The following APBA2 variants were observed in gnomAD, a reference collection of about 807,000 sequenced individuals.
APBA2 encodes amyloid beta precursor protein binding family A member 2.
APBA2 carries 30 observed loss-of-function variants against 75.0 expected under a neutral mutation model. The observed-to-expected ratio is 0.40, with a 90% confidence interval of 0.30 to 0.54. The LOEUF (loss-of-function observed/expected upper bound fraction) is 0.54. Among genes scored for constraint, APBA2 ranks in the 20% least tolerant of loss-of-function variants. The probability of loss-of-function intolerance (pLI) is 0.49; values close to 1 mark genes in which losing one functional copy is unlikely to be tolerated. For missense variants in APBA2, 801 were observed against 1,016.1 expected (o/e 0.79, Z 2.88); for synonymous variants, 444 against 409.6 (o/e 1.08, Z -1.01).
At chr15:29,047,926 AAACTT>A (rs2041416806) in intron 3 of APBA2, among the ~76,000 whole-genome samples, 1 of 152,232 alleles carries the variant, frequency 6.6e-6, no homozygotes, top group African/African-American at 2.4e-5. Flanking sequence ...ATTTAAGAAA[AAACTT>A]AATATGAGAT....
intron 4 of APBA2, among the ~76,000 whole-genome samples, chr15:29,070,294 T>C (rs980862252): frequency 6.6e-6 from 1 of 152,238 alleles, no homozygotes; most frequent in African/African-American, 2.4e-5. Context: ...TTCAGGTAGA[T>C]AGCGAATAAT....
chr15:29,093,920 A>G (rs2043713325), intron 7 of APBA2, among the ~76,000 whole-genome samples: 1 of 152,248 alleles, frequency 6.6e-6, no homozygotes, highest in African/African-American at 2.4e-5. Context: ...AACCCAGGGC[A>G]GTGCTGAGCC....
At chr15:29,013,916 C>T (rs1182184074) in intron 3 of APBA2, among the ~76,000 whole-genome samples, 1 of 152,204 alleles carries the variant, frequency 6.6e-6, no homozygotes, top group Non-Finnish European at 1.5e-5. Context: ...GCAGTGAAAG[C>T]GTTACCTTTC....
At chr15:28,961,059 G>A (rs925895759) in intron 2 of APBA2, among the ~76,000 whole-genome samples, 24 of 152,072 alleles carry the variant, frequency 1.6e-4, no homozygotes, top group African/African-American at 5.8e-4. Context: ...GCACCTAGCC[G>A]ACACCCATCA....
At chr15:29,001,186 C>T (rs1300287273) in intron 3 of APBA2, among the ~76,000 whole-genome samples, 5 of 151,992 alleles carry the variant, frequency 3.3e-5, no homozygotes, top group African/African-American at 4.8e-5. Context: ...GTAGTCATCA[C>T]ATAGCTCTAG....
rs1055470287 is a variant in APBA2, at chr15:29,117,248, G to A, written c.*115G>A. The A allele has an allele frequency of 1.0e-6, 1 of 992,090 alleles. No homozygotes were observed. The highest frequency in any genetic ancestry group is 1.6e-5 in the African/African-American group (1 of 62,344). The allele number at this position is 992,090 out of a possible 1,614,324, so 61.5% of individuals were successfully genotyped here. A position where few individuals can be genotyped will look rare whatever the true frequency, so the allele number is the denominator to read the frequency against. ...ACGCCACAGCCCAGCCACGGACGCT[G>A]GCTCCCCAAAGGGTGTGCCCTCACC... On this transcript the variant is annotated 3_prime_UTR_variant, in exon 15 of 15. Transcript: ENST00000683413.
chr15:29,093,315 C>T (rs780979720), intron 7 of APBA2, 95 bp downstream of exon 7: 52 of 1,519,034 alleles, frequency 3.4e-5, no homozygotes, highest in African/African-American at 1.1e-4. Flanking sequence ...TCTTCCAGCT[C>T]GGACTGCACA....
At chr15:29,053,614 C>T (rs1042947486) in intron 3 of APBA2, among the ~76,000 whole-genome samples, 1 of 152,182 alleles carries the variant, frequency 6.6e-6, no homozygotes, top group African/African-American at 2.4e-5. Flanking sequence ...GTTGCCGGTG[C>T]CTCCCTTGAC....
intron 1 of APBA2, among the ~76,000 whole-genome samples, chr15:28,902,351 G>A (rs886680095): frequency 6.6e-5 from 10 of 152,204 alleles, no homozygotes; most frequent in Non-Finnish European, 7.4e-5. Context: ...CCAGTTGAGG[G>A]GCATTCTACA....
At chr15:29,009,492 A>G (rs2039292714) in intron 3 of APBA2, among the ~76,000 whole-genome samples, 2 of 152,300 alleles carry the variant, frequency 1.3e-5, no homozygotes, top group South Asian at 2.1e-4. Flanking sequence ...GAACACATCC[A>G]TGAAACTACC....
chr15:29,045,073 C>CTCTCTCTCTCTCTT (rs2041242051), intron 3 of APBA2, among the ~76,000 whole-genome samples: 1 of 108,006 alleles, frequency 9.3e-6, no homozygotes, highest in Admixed American at 8.3e-5. Flanking sequence ...CCCTCCTTCT[C>CTCTCTCTCTCTCTT]TCTCTCTCTC....
At chr15:29,075,079 C>A in intron 5 of APBA2, 78 bp downstream of exon 5, 1 of 1,073,180 alleles carries the variant, frequency 9.3e-7, no homozygotes, top group Non-Finnish European at 1.4e-6. Flanking sequence ...TTGTGGTCTG[C>A]TCACTTTGTC....
At chr15:29,116,888 C>G (rs996549496) in intron 14 of APBA2, among the ~76,000 whole-genome samples, 174 bp from the exon 15 acceptor site, 3 of 152,234 alleles carry the variant, frequency 2.0e-5, no homozygotes, top group African/African-American at 7.2e-5. Flanking sequence ...TCTGCTGCAT[C>G]TGGAAGGCAT....
intron 2 of APBA2, among the ~76,000 whole-genome samples, chr15:28,936,567 G>A (rs954817779): frequency 2.0e-5 from 3 of 152,236 alleles, no homozygotes; most frequent in Non-Finnish European, 2.9e-5. Context: ...TAGTGCCTGC[G>A]CGTTAGGCAC....
rs960495582 is a variant in APBA2 at position 28,930,403 on chromosome 15, A to G, written c.-95+8654A>G. The stretch of plus-strand genomic sequence containing the variant: ...TTCTGCTCAAATGAACATTCCAGGC[A>G]GGCCCTGGAGCTTTCTGTCGTTCTA... On this transcript the variant is annotated intron_variant, in intron 2 of 14. Coordinates refer to ENST00000683413, the MANE Select transcript of APBA2 (RefSeq NM_001353788.2). Among the ~76,000 whole-genome samples, 3 of 152,092 alleles carry G rather than the reference A, an allele frequency of 2.0e-5. No homozygotes were observed. The East Asian group carries it at 5.8e-4, about 29-fold the overall frequency.
At position 29,018,209 on chromosome 15, in the gene APBA2, A is replaced by AT. The variant is rs1409162304; in HGVS notation, c.-41+22407dup. Among the ~76,000 whole-genome samples the AT allele has an allele frequency of 3.9e-5, 6 of 152,160 alleles. No homozygotes were observed. In the East Asian group the frequency reaches 7.8e-4, roughly 20 times the overall value. On this transcript the variant is annotated intron_variant, in intron 3 of 14. Transcript: ENST00000683413. Reference sequence around the variant, plus strand: ...TAGAGATCGGTAGGTAGAAATACAGATTTTCCCTCCTCAGCAATTCTAATG... The same window carrying AT: ...TAGAGATCGGTAGGTAGAAATACAGATTTTTCCCTCCTCAGCAATTCTAATG...
At chr15:28,952,375 T>TA (rs931963484) in intron 2 of APBA2, among the ~76,000 whole-genome samples, 61 of 147,290 alleles carry the variant, frequency 4.1e-4, no homozygotes, top group Admixed American at 2.0e-3. Context: ...ACAAAAAAAT[T>TA]AAAAAAAAAA....
At chr15:29,047,712 C>T (rs193294181) in intron 3 of APBA2, among the ~76,000 whole-genome samples, 20 of 152,098 alleles carry the variant, frequency 1.3e-4, no homozygotes, top group Admixed American at 3.3e-4. Context: ...GACCACATGC[C>T]GGAAAGGGGA....
chr15:28,886,962 C>G (rs138827794), intron 1 of APBA2, among the ~76,000 whole-genome samples: 76,601 of 152,062 alleles, frequency 0.5, 20,034 homozygotes, highest in African/African-American at 0.64. Context: ...TCGAGGCCCC[C>G]GGTCCCCAAG....
Sources: gnomAD v4.1 joint callset for allele counts (sites outside exome capture counted in the v4.1 genomes callset) on GRCh38, gnomAD v4.1.1 for gene constraint, MANE v1.5 for transcripts, NCBI Gene and HGNC (gene_info 2026-07-23, HGNC 2026-07-21) for gene names.